Variants in BAZ2B observed in about 807,000 individuals in gnomAD.
BAZ2B encodes the protein bromodomain adjacent to zinc finger domain 2B.
BAZ2B carries 91 observed loss-of-function variants against 246.0 expected under a neutral mutation model. The ratio of observed to expected loss-of-function variants is 0.37; its 90% confidence interval spans 0.31 to 0.44. The LOEUF is 0.44. BAZ2B is among the 20% of genes least tolerant of loss of function. The probability of loss-of-function intolerance (pLI) is 1.00; values close to 1 mark genes in which losing one functional copy is unlikely to be tolerated. For synonymous variants in BAZ2B, 855 were observed against 860.0 expected, an observed-to-expected ratio of 0.99 and a Z score of 0.10; for missense variants, 2,332 against 2,533.7, an observed-to-expected ratio of 0.92 and a Z score of 1.71.
At chr2:159,470,382 C>G (rs1178426443) in intron 3 of BAZ2B, among the ~76,000 whole-genome samples, 1 of 152,104 alleles carries the variant, frequency 6.6e-6, no homozygotes, top group Admixed American at 6.5e-5. Context: ...TGTCCTACAG[C>G]CTGGAGGTTA....
rs574815409 is a variant in BAZ2B at position 159,378,038 on chromosome 2, C to A, written c.4006-3285G>T. Among the ~76,000 whole-genome samples, 14 of 152,130 alleles carry A rather than the reference C, an allele frequency of 9.2e-5. No homozygotes were observed. The East Asian group carries it at 2.5e-3, about 27-fold the overall frequency. On this transcript the variant is annotated intron_variant, in intron 25 of 36. Transcript: ENST00000392783. ...AACTAAAATCCCAGTACATAGTTGT[C>A]CAAGTTATTGAACTTATGAGTTAAC...
upstream of BAZ2B, among the ~76,000 whole-genome samples, chr2:159,619,493 T>C (rs1213365358): frequency 6.6e-6 from 1 of 151,520 alleles, no homozygotes; most frequent in African/African-American, 2.4e-5. Context: ...AATGAAAGAC[T>C]GACATAGGTA....
chr2:159,513,183 C>T (rs1330915440), intron 2 of BAZ2B, among the ~76,000 whole-genome samples: 1 of 152,128 alleles, frequency 6.6e-6, no homozygotes, highest in Non-Finnish European at 1.5e-5. Flanking sequence ...ATGAAAACAG[C>T]AGTCAATGAA....
At chr2:159,678,386 C>T in the BAZ2B span, among the ~76,000 whole-genome samples, 2 of 152,222 alleles carry the variant, frequency 1.3e-5, no homozygotes, top group Non-Finnish European at 2.9e-5. Context: ...AAATACCAAT[C>T]CCAAGTGCCT....
intron 27 of BAZ2B, among the ~76,000 whole-genome samples, chr2:159,351,687 C>T (rs1009837418): frequency 9.2e-5 from 14 of 152,122 alleles, no homozygotes; most frequent in African/African-American, 3.4e-4. Context: ...TATTTCTGGT[C>T]ATTAGTAAGG....
chr2:159,365,085 G>C (rs1250291538), intron 27 of BAZ2B, among the ~76,000 whole-genome samples: 6 of 152,108 alleles, frequency 3.9e-5, no homozygotes, highest in Non-Finnish European at 7.3e-5. Flanking sequence ...ATATTATCAA[G>C]ACTTAGGTAT....
chr2:159,461,838 C>T (rs1645902854), intron 3 of BAZ2B: 4 of 152,684 alleles, frequency 2.6e-5, no homozygotes, highest in Admixed American at 2.0e-4. Flanking sequence ...TTCCTTTGCC[C>T]TCCAAAAAGG....
the BAZ2B span, among the ~76,000 whole-genome samples, chr2:159,643,501 G>A: frequency 1.3e-5 from 2 of 152,082 alleles, no homozygotes; most frequent in African/African-American, 4.8e-5. Context: ...AACTTTCAGA[G>A]GATCTAAATA....
At chr2:159,450,807 G>A (rs1330496367) in intron 4 of BAZ2B, among the ~76,000 whole-genome samples, 3 of 151,194 alleles carry the variant, frequency 2.0e-5, no homozygotes, top group Non-Finnish European at 4.4e-5. Context: ...TGGCCTGCTA[G>A]GGGCTCACTG....
At chr2:159,397,051 T>C (rs1357127135) in intron 19 of BAZ2B, 2 of 1,371,274 alleles carry the variant, frequency 1.5e-6, no homozygotes, top group East Asian at 8.0e-5. Context: ...GTGTTAGATG[T>C]ACAAAAATAA....
chr2:159,386,720 G>T, intron 21 of BAZ2B, 113 bp from the exon 22 acceptor site: 2 of 1,227,910 alleles, frequency 1.6e-6, no homozygotes, highest in East Asian at 2.6e-5. Context: ...CTCTTGTATT[G>T]TACCAGTAGC....
chr2:159,527,369 A>G (rs980319867), intron 2 of BAZ2B, among the ~76,000 whole-genome samples: 1 of 152,184 alleles, frequency 6.6e-6, no homozygotes, highest in African/African-American at 2.4e-5. Context: ...TCAGATAAGC[A>G]GTTTTCAAGT....
At chr2:159,591,847 A>G (rs573691851) in intron 1 of BAZ2B, among the ~76,000 whole-genome samples, 14 of 152,338 alleles carry the variant, frequency 9.2e-5, no homozygotes, top group African/African-American at 3.4e-4. Context: ...AATTTACTTT[A>G]AACTCTTTCT....
At chr2:159,666,830 G>A in the BAZ2B span, among the ~76,000 whole-genome samples, 1 of 152,042 alleles carries the variant, frequency 6.6e-6, no homozygotes, top group African/African-American at 2.4e-5. Context: ...ACTCCAGCCT[G>A]GGCAACAGAG....
intron 13 of BAZ2B, among the ~76,000 whole-genome samples, chr2:159,414,012 C>T (rs1468912726): frequency 1.3e-5 from 2 of 152,116 alleles, no homozygotes; most frequent in Admixed American, 6.5e-5. Flanking sequence ...TAGAGGTAAC[C>T]CATATGTCAG....
At chr2:159,436,882 A>T (rs1321660517) in intron 8 of BAZ2B, among the ~76,000 whole-genome samples, 1 of 152,224 alleles carries the variant, frequency 6.6e-6, no homozygotes, top group Non-Finnish European at 1.5e-5. Flanking sequence ...AAGGGTACTG[A>T]AGGATTCAAT....
intron 26 of BAZ2B, among the ~76,000 whole-genome samples, chr2:159,374,083 T>C (rs1440862271): frequency 6.6e-6 from 1 of 150,624 alleles, no homozygotes; most frequent in Non-Finnish European, 1.5e-5. Flanking sequence ...TTTCTTTTTT[T>C]TTTTTTTTTA....
chr2:159,544,627 G>C (rs1446715979), intron 2 of BAZ2B, among the ~76,000 whole-genome samples: 1 of 152,176 alleles, frequency 6.6e-6, no homozygotes, highest in East Asian at 1.9e-4. Flanking sequence ...ATTTAAAAGA[G>C]AGGTCTGGGG....
At chr2:159,454,755 A>G (rs1005731185) in intron 3 of BAZ2B, among the ~76,000 whole-genome samples, 1 of 152,226 alleles carries the variant, frequency 6.6e-6, no homozygotes, top group Non-Finnish European at 1.5e-5. Flanking sequence ...AAACTTACAA[A>G]GATATTTCTA....
Sources: allele counts gnomAD v4.1 joint callset (sites outside exome capture counted in the v4.1 genomes callset), GRCh38; gene constraint gnomAD v4.1.1; transcripts MANE v1.5; gene names NCBI Gene and HGNC (gene_info 2026-07-23, HGNC 2026-07-21).